The following ACSM5 variants were observed in gnomAD, a reference collection of about 807,000 sequenced individuals.
ACSM5 encodes the protein acyl-CoA synthetase medium chain family member 5.
In ACSM5, 56 loss-of-function variants were observed where a neutral mutation model predicts 71.6. The observed-to-expected ratio is 0.78, with a 90% confidence interval of 0.63 to 0.98. The LOEUF (loss-of-function observed/expected upper bound fraction) is 0.98. Among genes scored for constraint, ACSM5 ranks in the 50% least tolerant of loss-of-function variants. The probability of loss-of-function intolerance (pLI) is 0.00; values close to 1 mark genes in which losing one functional copy is unlikely to be tolerated. For synonymous variants in ACSM5, 285 were observed against 281.5 expected (o/e 1.01, Z -0.12); for missense variants, 723 against 726.0 (o/e 1.00, Z 0.05).
intron 12 of ACSM5, among the ~76,000 whole-genome samples, chr16:20,439,389 G>T (rs1448867952): frequency 1.3e-5 from 2 of 149,856 alleles, no homozygotes; most frequent in Non-Finnish European, 3.0e-5. Flanking sequence ...GCAAGTGCCT[G>T]CATTTTCCTC....
chr16:20,421,285 G>A lies in ACSM5; in HGVS notation c.651G>A (p.Met217Ile). Residue 217 changes from methionine (M) to isoleucine (I), a missense_variant, in exon 5 of 14, where the codon ATG becomes ATA. Transcript: ENST00000331849. ...AGGCTTCTACAGAGCACAACTGCAT[G>A]AGGACAAAGAGTCGAGACCCGCTGG... ...LREASTEHNC[M>I]RTKSRDPLAI... is the part of the protein sequence containing the mutation. 2 of 1,605,506 alleles carry A rather than the reference G, an allele frequency of 1.2e-6. No homozygotes were observed. The highest frequency in any genetic ancestry group is 1.3e-5 in the African/African-American group (1 of 74,710).
chr16:20,436,537 A>AT (rs1474732310), intron 10 of ACSM5, among the ~76,000 whole-genome samples: 6 of 152,060 alleles, frequency 3.9e-5, no homozygotes, highest in African/African-American at 1.4e-4. Flanking sequence ...CACCCAGCTA[A>AT]TTTTTTTGTC....
intron 2 of ACSM5, among the ~76,000 whole-genome samples, chr16:20,415,515 A>G (rs745407469): frequency 8.5e-5 from 13 of 152,220 alleles, no homozygotes; most frequent in Non-Finnish European, 1.3e-4. Flanking sequence ...AGAATGTTTT[A>G]TCAGCAGAAA....
rs761744602 is a variant in ACSM5, at chr16:20,440,458, C to T, written c.*31C>T. ...ACCCCAGGAAGGCCCCGTAGACCTC[C>T]GAAGACTCCACAAGAAACTAATGGA... On this transcript the variant is annotated 3_prime_UTR_variant, in exon 14 of 14. Coordinates refer to ENST00000331849, the MANE Select transcript of ACSM5 (RefSeq NM_017888.3). 20 of 1,576,016 alleles carry T rather than the reference C, an allele frequency of 1.3e-5. No homozygotes were observed. The East Asian group carries it at 2.7e-4, about 21-fold the overall frequency.
chr16:20,423,839 T>C (rs562305213), intron 5 of ACSM5, 77 bp from the exon 6 acceptor site: 1 of 1,551,962 alleles, frequency 6.4e-7, no homozygotes, highest in East Asian at 2.3e-5. Flanking sequence ...GCTCCAAATG[T>C]GGTGATATAG....
intron 11 of ACSM5, 30 bp from the exon 12 acceptor site, chr16:20,437,238 C>A: frequency 6.2e-7 from 1 of 1,614,142 alleles, no homozygotes. Context: ...GAGGGAAGCC[C>A]ACTTGGAAGA....
intron 2 of ACSM5, chr16:20,412,274 A>T (rs1966849280): frequency 6.5e-6 from 1 of 153,262 alleles, no homozygotes; most frequent in Non-Finnish European, 1.5e-5. Flanking sequence ...AATTGCTTGA[A>T]CTCGGGAGGC....
chr16:20,414,522 A>G (rs1386637015), intron 2 of ACSM5, among the ~76,000 whole-genome samples: 5 of 152,260 alleles, frequency 3.3e-5, no homozygotes, highest in Admixed American at 3.3e-4. Context: ...ATGTTAGTCC[A>G]CTAAGACTGA....
chr16:20,415,562 TAGA>T (rs1158725550), intron 2 of ACSM5, among the ~76,000 whole-genome samples: 1 of 152,200 alleles, frequency 6.6e-6, no homozygotes, highest in East Asian at 1.9e-4. Context: ...GAGGAAAATA[TAGA>T]AGAAGGCTGT....
chr16:20,424,043 C>G lies in ACSM5; in HGVS notation c.895C>G (p.Arg299Gly), dbSNP rs780288053. 1.5e-5 allele frequency: 25 copies of G among 1,613,858 alleles called. No individual in the cohort carries two copies. Among genetic ancestry groups the G allele is most frequent in the Non-Finnish European group, 3.4e-6 (4 of 1,179,994 alleles). The change falls in exon 6 of 14, where the codon CGA becomes GGA. Residue 299 changes from arginine (R) to glycine (G), a missense_variant. Transcript: ENST00000331849. ...GSCIFVHELPRVDAKVILNTL... is the reference protein window; with the variant it reads ...GSCIFVHELPGVDAKVILNTL... ...TTGCATTTTTGTGCATGAGCTGCCC[C>G]GAGTTGATGCCAAAGTTATCCTGAA...
At chr16:20,434,366 C>A (rs1967154597) in intron 10 of ACSM5, among the ~76,000 whole-genome samples, 1 of 152,018 alleles carries the variant, frequency 6.6e-6, no homozygotes, top group Admixed American at 6.5e-5. Flanking sequence ...CTCCTTTTCC[C>A]AGTTATCTGT....
At chr16:20,415,194 C>T (rs1381383135) in intron 2 of ACSM5, among the ~76,000 whole-genome samples, 1 of 152,106 alleles carries the variant, frequency 6.6e-6, no homozygotes, top group Non-Finnish European at 1.5e-5. Context: ...AGAGCCAGAA[C>T]CTGGTGGTTT....
intron 5 of ACSM5, among the ~76,000 whole-genome samples, chr16:20,421,652 T>A (rs898399944): frequency 2.2e-5 from 2 of 91,702 alleles, no homozygotes; most frequent in African/African-American, 8.8e-5. Flanking sequence ...TATATATATA[T>A]ATATACACAC....
chr16:20,431,672 C>T (rs1262651384), intron 10 of ACSM5, among the ~76,000 whole-genome samples: 2 of 152,118 alleles, frequency 1.3e-5, no homozygotes, highest in East Asian at 1.9e-4. Flanking sequence ...AAACTGCAGC[C>T]GGGTGCAGTG....
At chr16:20,419,613 C>T in intron 4 of ACSM5, 178 bp downstream of exon 4, 1 of 630,040 alleles carries the variant, frequency 1.6e-6, no homozygotes. Context: ...CAAGGTCCCT[C>T]ATTCAGTCAG....
chr16:20,414,005 C>T (rs1221227097), intron 2 of ACSM5, among the ~76,000 whole-genome samples: 1 of 152,112 alleles, frequency 6.6e-6, no homozygotes, highest in African/African-American at 2.4e-5. Flanking sequence ...AAACAAATGA[C>T]AACAAGCAGC....
Position 20,421,409 on chromosome 16 carries a change from A to G in ACSM5, c.767+8A>G. 1 of 1,583,512 alleles carries G rather than the reference A, an allele frequency of 6.3e-7. No individual in the cohort carries two copies. The highest frequency in any genetic ancestry group is 8.6e-7 in the Non-Finnish European group (1 of 1,160,602). Reference sequence around the variant, plus strand: ...TTTTGTGGCCAGCGGAAGGTACCAGAGCAGCTTGTCTAGAGGATCCAAGAA... The same window carrying G: ...TTTTGTGGCCAGCGGAAGGTACCAGGGCAGCTTGTCTAGAGGATCCAAGAA... On this transcript the variant is annotated splice_region_variant and intron_variant, in intron 5 of 13. Coordinates refer to ENST00000331849, the MANE Select transcript of ACSM5 (RefSeq NM_017888.3).
In ACSM5 at chr16:20,418,173, G is replaced by C. The variant is rs1966861783; in HGVS notation, c.319G>C (p.Gly107Arg). ...KQSRKAANVL[G>R]GACGLQPGDR... ...GTCCAGGAAGGCAGCCAATGTGCTG[G>C]GGGGTGCATGCGGCCTGCAGCCTGG... Residue 107 changes from glycine to arginine, a missense_variant, in exon 3 of 14, where the codon GGG (glycine) becomes CGG (arginine). Physicochemically the swap from Gly to Arg is moderately radical, Grantham distance 125. Coordinates refer to ENST00000331849, the MANE Select transcript of ACSM5 (RefSeq NM_017888.3). 6.8e-6 allele frequency: 11 copies of C among 1,613,368 alleles called. No homozygotes were observed. The highest frequency in any genetic ancestry group is 8.5e-6 in the Non-Finnish European group (10 of 1,179,906).
chr16:20,429,564 G>C, intron 7 of ACSM5, 114 bp from the exon 8 acceptor site: 1 of 1,413,444 alleles, frequency 7.1e-7, no homozygotes, highest in East Asian at 2.3e-5. Flanking sequence ...AGATTAAAAA[G>C]CAGGGGCATC....
Sources: gnomAD v4.1 joint callset for allele counts (sites outside exome capture counted in the v4.1 genomes callset) on GRCh38, gnomAD v4.1.1 for gene constraint, MANE v1.5 for transcripts, NCBI Gene and HGNC (gene_info 2026-07-23, HGNC 2026-07-21) for gene names.